DOCK3: variants seen among roughly 807,000 people sequenced by gnomAD.
DOCK3 encodes the protein dedicator of cytokinesis protein 3.
DOCK3 carries 60 observed loss-of-function variants against 265.6 expected under a neutral mutation model. The ratio of observed to expected loss-of-function variants is 0.23; its 90% CI spans 0.18 to 0.28. The LOEUF is 0.28. Ranked by LOEUF, DOCK3 falls within the 10% of genes least tolerant of loss-of-function variation. DOCK3 has a pLI of 1.00. For missense variants in DOCK3, 1,981 were observed against 2,594.3 expected (o/e 0.76, Z 5.14); for synonymous variants, 881 against 938.0 (o/e 0.94, Z 1.11).
At chr3:51,016,556 TC>T (rs375676325) in intron 5 of DOCK3, among the ~76,000 whole-genome samples, 4 of 3,308 alleles carry the variant, frequency 1.2e-3, no homozygotes, top group African/African-American at 2.8e-3. Flanking sequence ...TTTATATATA[TC>T]ATATATTATA....
At chr3:50,770,422 T>C (rs974085163) in intron 1 of DOCK3, among the ~76,000 whole-genome samples, 1 of 150,058 alleles carries the variant, frequency 6.7e-6, no homozygotes, top group African/African-American at 2.5e-5. Context: ...CTATAAACAC[T>C]GATGAAAGAA....
At chr3:50,870,926 TTTTA>T (rs2047402885) in intron 3 of DOCK3, among the ~76,000 whole-genome samples, 1 of 152,100 alleles carries the variant, frequency 6.6e-6, no homozygotes, top group Non-Finnish European at 1.5e-5. Context: ...CTTTTCAACT[TTTTA>T]TTGTTTCTTT....
At chr3:51,248,850 G>C (rs1408604939) in intron 22 of DOCK3, among the ~76,000 whole-genome samples, 1 of 133,964 alleles carries the variant, frequency 7.5e-6, no homozygotes. Context: ...CCGCCGCCCC[G>C]TCTGGGATGT....
intron 14 of DOCK3, among the ~76,000 whole-genome samples, chr3:51,221,764 G>C (rs1176085142): frequency 2.0e-5 from 3 of 152,202 alleles, no homozygotes; most frequent in African/African-American, 4.8e-5. Context: ...TTAGGAAGCA[G>C]AGGGCACTTA....
At chr3:50,687,133 T>C (rs547290566) in intron 1 of DOCK3, among the ~76,000 whole-genome samples, 2 of 151,736 alleles carry the variant, frequency 1.3e-5, no homozygotes, top group South Asian at 2.1e-4. Flanking sequence ...AGAGAATCAC[T>C]TGAACCCGGG....
rs1234245730 is a variant in DOCK3 at position 51,016,817 on chromosome 3, CATATATAAAT to C, written c.316-47624_316-47615del. ...ATATATGATATATGTTTATATATAT[CATATATAAAT>C]ATATATGATATATGTTTATATATAT... On this transcript the variant is annotated intron_variant, in intron 5 of 52. Transcript: ENST00000266037. Among the ~76,000 whole-genome samples the C allele has an allele frequency of 6.0e-4, 2 of 3,314 alleles. 1 individual carries two copies. Among genetic ancestry groups the C allele is most frequent in the Non-Finnish European group, 9.0e-4 (2 of 2,220 alleles). 2.2% of individuals were successfully genotyped at this position (3,314 alleles called of 152,430 possible).
chr3:51,105,281 A>C (rs1560068508), intron 9 of DOCK3, among the ~76,000 whole-genome samples: 1 of 152,200 alleles, frequency 6.6e-6, no homozygotes, highest in Non-Finnish European at 1.5e-5. Flanking sequence ...TTTAAATATC[A>C]AATCATCCCT....
chr3:51,113,139 T>G (rs2109859274), intron 9 of DOCK3, among the ~76,000 whole-genome samples: 1 of 152,228 alleles, frequency 6.6e-6, no homozygotes, highest in South Asian at 2.1e-4. Context: ...AAAATCCCTG[T>G]ATTCTTGTAG....
At chr3:51,209,272 G>A (rs1576418955) in intron 13 of DOCK3, among the ~76,000 whole-genome samples, 1 of 152,176 alleles carries the variant, frequency 6.6e-6, no homozygotes, top group East Asian at 1.9e-4. Flanking sequence ...ATTTCTGAAA[G>A]ACTGACCATA....
intron 5 of DOCK3, among the ~76,000 whole-genome samples, chr3:50,942,007 T>A (rs373032140): frequency 2.0e-4 from 30 of 152,158 alleles, no homozygotes; most frequent in African/African-American, 7.0e-4. Flanking sequence ...ACACATGTGG[T>A]TTCTTTGTAA....
At chr3:51,278,058 TGTA>T in intron 26 of DOCK3, 21 of 985,416 alleles carry the variant, frequency 2.1e-5, no homozygotes, top group Non-Finnish European at 2.5e-5. Context: ...GTATGTAAGA[TGTA>T]GTAAGAGGTT....
At chr3:51,142,849 C>G (rs1560118312) in intron 9 of DOCK3, among the ~76,000 whole-genome samples, 1 of 151,736 alleles carries the variant, frequency 6.6e-6, no homozygotes, top group Non-Finnish European at 1.5e-5. Context: ...AGATTTAGTT[C>G]TAGTTACTTG....
intron 12 of DOCK3, among the ~76,000 whole-genome samples, chr3:51,184,624 A>G (rs906802093): frequency 6.6e-6 from 1 of 152,122 alleles, no homozygotes; most frequent in Non-Finnish European, 1.5e-5. Flanking sequence ...AATAAATATG[A>G]TGGAATAAAT....
chr3:50,886,605 G>A (rs1383898205), intron 3 of DOCK3, among the ~76,000 whole-genome samples: 1 of 129,564 alleles, frequency 7.7e-6, no homozygotes, highest in African/African-American at 3.0e-5. Flanking sequence ...TCCCCTTCCT[G>A]TGTCCATGTG....
chr3:50,865,326 C>T (rs2047088823), intron 3 of DOCK3, among the ~76,000 whole-genome samples: 1 of 152,132 alleles, frequency 6.6e-6, no homozygotes, highest in African/African-American at 2.4e-5. Context: ...CTCTGGCAAC[C>T]ATTCTTCTAC....
At chr3:50,948,365 T>A (rs2076493889) in intron 5 of DOCK3, among the ~76,000 whole-genome samples, 1 of 149,868 alleles carries the variant, frequency 6.7e-6, no homozygotes, top group African/African-American at 2.4e-5. Flanking sequence ...TCTGCAGATA[T>A]TTTTTGTGTG....
intron 1 of DOCK3, among the ~76,000 whole-genome samples, chr3:50,734,820 G>A (rs2038479139): frequency 6.6e-6 from 1 of 151,988 alleles, no homozygotes; most frequent in Non-Finnish European, 1.5e-5. Flanking sequence ...AGCCAGGATG[G>A]TCTCGATCTC....
intron 5 of DOCK3, among the ~76,000 whole-genome samples, chr3:50,954,815 C>T (rs2076686079): frequency 6.6e-6 from 1 of 152,160 alleles, no homozygotes; most frequent in South Asian, 2.1e-4. Flanking sequence ...TGTGCAGAAG[C>T]TGTTAAGTTT....
chr3:51,013,444 A>T (rs1223707833), intron 5 of DOCK3, among the ~76,000 whole-genome samples: 1 of 152,196 alleles, frequency 6.6e-6, no homozygotes, highest in East Asian at 1.9e-4. Context: ...TTGGAGGTCC[A>T]CTCCAGACCC....
Sources: allele counts gnomAD v4.1 joint callset (sites outside exome capture counted in the v4.1 genomes callset), GRCh38; gene constraint gnomAD v4.1.1; transcripts MANE v1.5; gene names NCBI Gene and HGNC (gene_info 2026-07-23, HGNC 2026-07-21).